TRAM1: variants seen among roughly 807,000 people sequenced by gnomAD.
The protein encoded by TRAM1 is translocation associated membrane protein 1.
Under a neutral mutation model 48.7 loss-of-function variants are expected in TRAM1, and 17 were observed. The observed-to-expected ratio is 0.35, with a 90% CI of 0.24 to 0.52. The LOEUF (loss-of-function observed/expected upper bound fraction) is 0.52, where lower values mean the gene tolerates loss of function less well. TRAM1 is among the 20% of genes least tolerant of loss of function. The probability of loss-of-function intolerance (pLI) is 0.94; values close to 1 mark genes in which losing one functional copy is unlikely to be tolerated. For synonymous variants in TRAM1, 182 were observed against 154.0 expected (o/e 1.18, Z -1.34); for missense variants, 351 against 441.5 (o/e 0.79, Z 1.84).
Position 70,597,910 on chromosome 8 carries a change from T to C in TRAM1, c.411A>G (p.Thr137=). The change falls in exon 4 of 11, where the codon ACA becomes ACG. Residue 137 remains threonine, a synonymous_variant. Coordinates refer to ENST00000262213, the MANE Select transcript of TRAM1 (RefSeq NM_014294.6). The part of the protein sequence containing the change: ...AFYLFACVWG[T]FILISENYIS... The stretch of plus-strand genomic sequence containing the variant: ...ACATACTTACAGAGATGAGAATGAA[T>C]GTGCCCCAAACACAGGCAAAAAGGT... The C allele has an allele frequency of 6.3e-7, 1 of 1,596,828 alleles. No homozygotes were observed. The highest frequency in any genetic ancestry group is 1.1e-5 in the South Asian group (1 of 87,794).
At chr8:70,584,727 G>A (rs1817167718) in intron 8 of TRAM1, among the ~76,000 whole-genome samples, 3 of 152,088 alleles carry the variant, frequency 2.0e-5, no homozygotes, top group Non-Finnish European at 1.5e-5. Context: ...TACAAGGGAT[G>A]TGAAGGACCT....
In TRAM1 at chr8:70,573,261, T is replaced by C. The variant is rs1816856502; in HGVS notation, c.*1671A>G. Among the ~76,000 whole-genome samples the C allele has an allele frequency of 6.6e-6, 1 of 152,188 alleles. No homozygotes were observed. Among genetic ancestry groups the C allele is most frequent in the African/African-American group, 2.4e-5 (1 of 41,440 alleles). The stretch of plus-strand genomic sequence containing the variant: ...TCCCAGATTTATTTGGTTATGACCA[T>C]CTATCCCCCCAGTAGTCCTCACCAA... On this transcript the variant is annotated 3_prime_UTR_variant, in exon 11 of 11. Transcript: ENST00000262213.
chr8:70,597,432 G>A lies in TRAM1; in HGVS notation c.426+463C>T, dbSNP rs543968041. Among the ~76,000 whole-genome samples the A allele has an allele frequency of 1.8e-3, 278 of 152,154 alleles. 1 individual carries two copies. The highest frequency in any genetic ancestry group is 3.2e-3 in the Non-Finnish European group (215 of 67,990). ...CAAGCCTGTAATCCCAGCACTTTGG[G>A]AGGCCGAGGCGGGTGGATCACGAGG... is the stretch of plus-strand genomic sequence containing the variant. On this transcript the variant is annotated intron_variant, in intron 4 of 10. Transcript: ENST00000262213.
At chr8:70,605,378 T>C (rs1817697299) in intron 1 of TRAM1, among the ~76,000 whole-genome samples, 2 of 152,334 alleles carry the variant, frequency 1.3e-5, no homozygotes, top group Non-Finnish European at 2.9e-5. Context: ...CATGAATCCC[T>C]TCAGCTCCAG....
At chr8:70,580,151 T>G (rs537589016) in intron 10 of TRAM1, among the ~76,000 whole-genome samples, 5 of 152,190 alleles carry the variant, frequency 3.3e-5, no homozygotes, top group African/African-American at 1.2e-4. Context: ...TAAGATCAAG[T>G]GAAGAACTCT....
At chr8:70,604,341 G>C (rs1214282804) in intron 1 of TRAM1, among the ~76,000 whole-genome samples, 1 of 152,222 alleles carries the variant, frequency 6.6e-6, no homozygotes, top group African/African-American at 2.4e-5. Flanking sequence ...GATGTGACCA[G>C]TCACTACATG....
chr8:70,607,043 G>C (rs754815827), intron 1 of TRAM1: 8 of 890,806 alleles, frequency 9.0e-6, no homozygotes, highest in Non-Finnish European at 1.1e-5. Context: ...ATGCAGGAGA[G>C]AGGAGACAAA....
chr8:70,591,235 T>C (rs1249938691), intron 6 of TRAM1, among the ~76,000 whole-genome samples: 2 of 152,180 alleles, frequency 1.3e-5, no homozygotes, highest in African/African-American at 2.4e-5. Flanking sequence ...GCCTCCCCAG[T>C]AGCCAGGACT....
At chr8:70,591,532 G>A (rs992306457) in intron 6 of TRAM1, among the ~76,000 whole-genome samples, 3 of 152,102 alleles carry the variant, frequency 2.0e-5, no homozygotes, top group Non-Finnish European at 2.9e-5. Context: ...TTATAAAATC[G>A]TAAATAACTT....
At position 70,607,798 on chromosome 8, in the gene TRAM1, G is replaced by GGGC. The variant is rs1305044946; in HGVS notation, c.123+276_123+278dup. On this transcript the variant is annotated intron_variant, in intron 1 of 10. Transcript: ENST00000262213. The stretch of plus-strand genomic sequence containing the variant: ...ACTGCGCCGCGCAGCCTGCGGGAGG[G>GGGC]GGCGGCGGCGGGTCAGGAAGGGGGC... 17 of 257,178 alleles carry GGGC rather than the reference G, an allele frequency of 6.6e-5. No individual in the cohort carries two copies. In the Admixed American group the frequency reaches 8.3e-4, roughly 13 times the overall value. The allele number at this position is 257,178 out of a possible 1,614,324, so 15.9% of individuals were successfully genotyped here.
At chr8:70,593,272 T>G (rs979149628) in intron 6 of TRAM1, among the ~76,000 whole-genome samples, 1 of 152,078 alleles carries the variant, frequency 6.6e-6, no homozygotes, top group Admixed American at 6.6e-5. Flanking sequence ...GGAAATCAAG[T>G]GCCTAGTCCA....
rs1354261569 is a variant in TRAM1, at chr8:70,585,806, C to T, written c.746+1089G>A. Among the ~76,000 whole-genome samples, 4 of 105,306 alleles carry T rather than the reference C, an allele frequency of 3.8e-5. No homozygotes were observed. The East Asian group carries it at 1.0e-3, about 27-fold the overall frequency. 69.1% of individuals were successfully genotyped at this position (105,306 alleles called of 152,430 possible). A position where few individuals can be genotyped will look rare whatever the true frequency, so the allele number is the denominator to read the frequency against. Reference sequence around the variant, plus strand: ...TGGAGAGGATGTGGAGAAATAGGAACACTTTTACACTGTTGCTGGGACTGT... The same window carrying T: ...TGGAGAGGATGTGGAGAAATAGGAATACTTTTACACTGTTGCTGGGACTGT... On this transcript the variant is annotated intron_variant, in intron 8 of 10. Transcript: ENST00000262213.
chr8:70,598,869 T>C (rs1365888868), intron 2 of TRAM1, among the ~76,000 whole-genome samples: 4 of 152,266 alleles, frequency 2.6e-5, no homozygotes, highest in Non-Finnish European at 5.9e-5. Context: ...AGCTTTATTC[T>C]TCTCTGGCAT....
chr8:70,597,104 G>A (rs1817503875), intron 4 of TRAM1, among the ~76,000 whole-genome samples: 1 of 152,066 alleles, frequency 6.6e-6, no homozygotes, highest in Admixed American at 6.5e-5. Context: ...AGAATTATGT[G>A]TCTGACAAAC....
intron 8 of TRAM1, among the ~76,000 whole-genome samples, chr8:70,585,128 T>C (rs1275770878): frequency 6.6e-6 from 1 of 152,156 alleles, no homozygotes; most frequent in African/African-American, 2.4e-5. Context: ...TAATGCTGCA[T>C]ATCTACAACC....
intron 6 of TRAM1, among the ~76,000 whole-genome samples, chr8:70,587,831 C>T (rs991634868): frequency 6.6e-6 from 1 of 152,152 alleles, no homozygotes; most frequent in Admixed American, 6.6e-5. Flanking sequence ...GCCCAAGTAC[C>T]TAGATTTTAT....
chr8:70,604,778 CT>C (rs1817684841), intron 1 of TRAM1, among the ~76,000 whole-genome samples: 1 of 151,936 alleles, frequency 6.6e-6, no homozygotes, highest in Non-Finnish European at 1.5e-5. Context: ...AATATATTTC[CT>C]TTTGAATATC....
At chr8:70,588,553 A>AC (rs1355702651) in intron 6 of TRAM1, among the ~76,000 whole-genome samples, 1 of 152,122 alleles carries the variant, frequency 6.6e-6, no homozygotes, top group Non-Finnish European at 1.5e-5. Flanking sequence ...TTGTGACTGC[A>AC]CTCCAGCCTG....
chr8:70,578,488 A>C (rs973563432), intron 10 of TRAM1, among the ~76,000 whole-genome samples: 8 of 152,152 alleles, frequency 5.3e-5, no homozygotes, highest in Non-Finnish European at 5.9e-5. Flanking sequence ...CACAAAAAGT[A>C]GTGGCATGGT....
Sources: gnomAD v4.1 joint callset for allele counts (sites outside exome capture counted in the v4.1 genomes callset) on GRCh38, gnomAD v4.1.1 for gene constraint, MANE v1.5 for transcripts, NCBI Gene and HGNC (gene_info 2026-07-23, HGNC 2026-07-21) for gene names.